The following NOA1 variants were observed in gnomAD, a reference collection of about 807,000 sequenced individuals.
NOA1 encodes nitric oxide associated 1, also known as nitric oxide-associated protein 1.
Under a neutral mutation model 58.4 loss-of-function variants are expected in NOA1, and 35 were observed. The ratio of observed to expected loss-of-function variants is 0.60; its 90% CI spans 0.46 to 0.79. NOA1 has a LOEUF of 0.79. Among genes scored for constraint, NOA1 ranks in the 30% least tolerant of loss-of-function variants. The pLI is 0.00. For missense variants in NOA1, 895 were observed against 894.6 expected, an observed-to-expected ratio of 1.00 and a Z score of -0.01; for synonymous variants, 397 against 373.4, an observed-to-expected ratio of 1.06 and a Z score of -0.73.
chr4:56,963,551 T>C lies in NOA1; in HGVS notation c.1996A>G (p.Ile666Val), dbSNP rs1721646027. The C allele has an allele frequency of 1.9e-6, 3 of 1,614,126 alleles. No homozygotes were observed. The highest frequency in any genetic ancestry group is 1.7e-5 in the Admixed American group (1 of 60,002). The change falls in exon 7 of 7, where the codon ATC becomes GTC. Residue 666 changes from isoleucine to valine, a missense_variant. Physicochemically the swap from Ile to Val is conservative, Grantham distance 29. Transcript: ENST00000264230. ...CTTTTCTTGATGCGCTGTCCTTTGA[T>C]GTTAACAATATATGGCAAGAGAGGG... ...RPPLLPYIVN[I>V]KGQRIKKSVA...
intron 4 of NOA1, among the ~76,000 whole-genome samples, chr4:56,967,169 C>T (rs77569679): frequency 0.053 from 8,109 of 151,918 alleles, 493 homozygotes; most frequent in East Asian, 0.21. Context: ...ATCCCTTGAG[C>T]TCAAGTTTGA....
intron 1 of NOA1, 47 bp from the exon 2 acceptor site, chr4:56,974,069 G>T: frequency 8.7e-7 from 1 of 1,147,696 alleles, no homozygotes. Context: ...GAATAAGGGG[G>T]AAGAAAATGA....
rs200929636 is a variant in NOA1, at chr4:56,976,948, C to G, written c.638G>C (p.Gly213Ala). Reference sequence around the variant, plus strand: ...CACCATGTAGAGCACCAGGGAGGGGCCGGGCCGCCGCAACGCGGCGCTCAC... The same window carrying G: ...CACCATGTAGAGCACCAGGGAGGGGGCGGGCCGCCGCAACGCGGCGCTCAC... ...ELVSAALRRP[G>A]PSLVLYMVDL... Residue 213 changes from glycine (G) to alanine (A), a missense_variant, in exon 1 of 7, where the codon GGC becomes GCC. Around this residue, in one of 3 missense-constraint regions of NOA1, gnomAD observed 680 missense variants for 656.5 expected, o/e 1.04. Coordinates refer to ENST00000264230, the MANE Select transcript of NOA1 (RefSeq NM_032313.4). 0.019 allele frequency: 29,726 copies of G among 1,603,594 alleles called. 374 individuals carry two copies. The highest frequency in any genetic ancestry group is 0.022 in the Non-Finnish European group (25,875 of 1,177,492).
chr4:56,964,053 G>T (rs552955988), intron 6 of NOA1, among the ~76,000 whole-genome samples: 3 of 151,854 alleles, frequency 2.0e-5, no homozygotes, highest in African/African-American at 7.2e-5. Flanking sequence ...TGTCGGTAAG[G>T]CTGCTTTATT....
At chr4:56,974,079 A>G (rs1453886167) in intron 1 of NOA1, 57 bp from the exon 2 acceptor site, 5 of 1,095,476 alleles carry the variant, frequency 4.6e-6, no homozygotes, top group Admixed American at 2.5e-5. Context: ...GAAGAAAATG[A>G]ACATTTTTGA....
chr4:56,965,287 G>A (rs1276616155), intron 5 of NOA1, among the ~76,000 whole-genome samples: 2 of 152,144 alleles, frequency 1.3e-5, no homozygotes, highest in Non-Finnish European at 2.9e-5. Context: ...ACAGGTGTGA[G>A]CCACTGCGCT....
In NOA1 at chr4:56,973,313, C is replaced by G; in HGVS notation, c.1350G>C (p.Lys450Asn). The change falls in exon 3 of 7, where the codon AAG becomes AAC. Residue 450 changes from lysine to asparagine, a missense_variant. Transcript: ENST00000264230. ...GRTFLYSEEQKDNIPFEFDAD... is the reference protein window; with the variant it reads ...GRTFLYSEEQNDNIPFEFDAD... Reference sequence around the variant, plus strand: ...CATCAAACTCAAAGGGAATGTTATCCTTCTGTTCTTCTGAATACAAGAATG... The same window carrying G: ...CATCAAACTCAAAGGGAATGTTATCGTTCTGTTCTTCTGAATACAAGAATG... 2 of 1,614,042 alleles carry G rather than the reference C, an allele frequency of 1.2e-6. No homozygotes were observed. Among genetic ancestry groups the G allele is most frequent in the Non-Finnish European group, 1.7e-6 (2 of 1,179,994 alleles).
At chr4:56,975,706 T>C (rs1486184214) in intron 1 of NOA1, among the ~76,000 whole-genome samples, 2 of 152,000 alleles carry the variant, frequency 1.3e-5, no homozygotes, top group Non-Finnish European at 2.9e-5. Context: ...TGAAACCCCG[T>C]CTCTACTAAA....
Position 56,977,484 on chromosome 4 carries a change from C to T in NOA1, c.102G>A (p.Arg34=). Residue 34 remains arginine, a synonymous_variant, in exon 1 of 7, where the codon AGG becomes AGA. Coordinates refer to ENST00000264230, the MANE Select transcript of NOA1 (RefSeq NM_032313.4). The stretch of plus-strand genomic sequence containing the variant: ...GGAAGGAGGAGGCGGCAGCGCACCT[C>T]CTCTCCAGGAGCGGCTCCCGGAGGC... ...RHGLREPLLE[R]RCAAASSFQH... is the part of the protein sequence containing the mutation. The T allele has an allele frequency of 1.2e-6, 2 of 1,613,882 alleles. No homozygotes were observed. Among genetic ancestry groups the T allele is most frequent in the Non-Finnish European group, 1.7e-6 (2 of 1,180,036 alleles).
intron 3 of NOA1, among the ~76,000 whole-genome samples, chr4:56,972,257 CAT>C (rs1475296339): frequency 5.3e-5 from 8 of 152,266 alleles, no homozygotes; most frequent in African/African-American, 1.9e-4. Context: ...TAAGAACAAA[CAT>C]AGAAAACATT....
chr4:56,970,787 A>G (rs1330946076), intron 3 of NOA1, among the ~76,000 whole-genome samples: 1 of 152,074 alleles, frequency 6.6e-6, no homozygotes, highest in African/African-American at 2.4e-5. Flanking sequence ...TCATTTCACA[A>G]CAGAGATCCT....
In NOA1 at chr4:56,964,407, T is replaced by C; in HGVS notation, c.1884A>G (p.Ala628=). The C allele has an allele frequency of 2.5e-6, 4 of 1,614,058 alleles. No individual in the cohort carries two copies. Among genetic ancestry groups the C allele is most frequent in the Non-Finnish European group, 3.4e-6 (4 of 1,179,972 alleles). Residue 628 remains alanine, a splice_region_variant and synonymous_variant, in exon 6 of 7, where the codon GCA becomes GCG. Coordinates refer to ENST00000264230, the MANE Select transcript of NOA1 (RefSeq NM_032313.4). ...EAVADIKFSS[A]GWVSVTPNFK... ...AAAAAGTGCTTGGCATAAAATTACC[T>C]GCAGAGGAAAACTTGATGTCGGCCA...
rs1466528137 is a variant in NOA1 at position 56,968,468 on chromosome 4, T to C, written c.1563A>G (p.Thr521=). 2 of 1,610,296 alleles carry C rather than the reference T, an allele frequency of 1.2e-6. No homozygotes were observed. Among genetic ancestry groups the C allele is most frequent in the Non-Finnish European group, 1.7e-6 (2 of 1,178,648 alleles). Residue 521 remains threonine, a synonymous_variant, in exon 4 of 7, where the codon ACA becomes ACG. Coordinates refer to ENST00000264230, the MANE Select transcript of NOA1 (RefSeq NM_032313.4). ...CAAAAGTTCTTGGAACAATGGACTG[T>C]GTTGGCAAAACAATATTTACTTCTT... ...TEKEVNIVLP[T]QSIVPRTFVL...
chr4:56,976,623 G>T lies in NOA1; in HGVS notation c.963C>A (p.Gly321=). The T allele has an allele frequency of 6.2e-7, 1 of 1,614,242 alleles. No individual in the cohort carries two copies. Among genetic ancestry groups the T allele is most frequent in the Non-Finnish European group, 8.5e-7 (1 of 1,180,044 alleles). Residue 321 remains glycine, a synonymous_variant, in exon 1 of 7, where the codon GGC becomes GGA. Coordinates refer to ENST00000264230, the MANE Select transcript of NOA1 (RefSeq NM_032313.4). ...CAGAGATCAACTCTTCCACTCCATA[G>T]CCGGTCTTGGCGCTGATCAGCCGCA... ...RDVRLISAKT[G]YGVEELISAL... is the part of the protein sequence containing the mutation.
Position 56,973,144 on chromosome 4 carries a change from A to G in NOA1, c.1515+4T>C, listed in dbSNP as rs1467577301. ...AATGTTTCTAAAAGAAACCAAATAC[A>G]TACACAATTTTCTTTTGTAATTCCA... On this transcript the variant is annotated splice_donor_region_variant and intron_variant, in intron 3 of 6. Transcript: ENST00000264230. 3 of 1,612,802 alleles carry G rather than the reference A, an allele frequency of 1.9e-6. No homozygotes were observed. Among genetic ancestry groups the G allele is most frequent in the Non-Finnish European group, 2.5e-6 (3 of 1,178,790 alleles).
chr4:56,975,312 T>A (rs1229452858), intron 1 of NOA1, among the ~76,000 whole-genome samples: 1 of 150,358 alleles, frequency 6.7e-6, no homozygotes, highest in Non-Finnish European at 1.5e-5. Context: ...TGTGAGCCAC[T>A]GAGCCCGGCA....
intron 1 of NOA1, among the ~76,000 whole-genome samples, chr4:56,975,662 G>T (rs1452846236): frequency 1.3e-5 from 2 of 152,064 alleles, no homozygotes; most frequent in African/African-American, 2.4e-5. Flanking sequence ...CGGATCACGA[G>T]GTCAGGGGTT....
In NOA1 at chr4:56,973,191, G is replaced by T; in HGVS notation, c.1472C>A (p.Ala491Asp). The change falls in exon 3 of 7, where the codon GCC (alanine) becomes GAC (aspartate). Residue 491 changes from alanine to aspartate, a missense_variant. Around this residue, in one of 3 missense-constraint regions of NOA1, gnomAD observed 680 missense variants for 656.5 expected, o/e 1.04. Transcript: ENST00000264230. ...VELTAQDVKD[A>D]HWFYDTPGIT... ...TCCAGGGGTGTCATAAAACCAGTGG[G>T]CATCTTTCACATCTTGTGCAGTCAA... The T allele has an allele frequency of 1.2e-6, 2 of 1,614,030 alleles. No individual in the cohort carries two copies. The highest frequency in any genetic ancestry group is 2.2e-5 in the South Asian group (2 of 91,074).
At chr4:56,971,980 C>T (rs1482986004) in intron 3 of NOA1, among the ~76,000 whole-genome samples, 2 of 151,938 alleles carry the variant, frequency 1.3e-5, no homozygotes, top group African/African-American at 4.8e-5. Flanking sequence ...GCTCCGCCTC[C>T]CGGGTTCACA....
Sources: allele counts gnomAD v4.1 joint callset (sites outside exome capture counted in the v4.1 genomes callset), GRCh38; gene constraint gnomAD v4.1.1; regional missense constraint gnomAD v4.1.1; transcripts MANE v1.5; gene names NCBI Gene and HGNC (gene_info 2026-07-23, HGNC 2026-07-21).